The following ACOX3 variants were observed in gnomAD, a reference collection of about 807,000 sequenced individuals.
ACOX3 encodes peroxisomal acyl-coenzyme A oxidase 3.
Under a neutral mutation model 81.5 loss-of-function variants are expected in ACOX3, and 73 were observed. The ratio of observed to expected loss-of-function variants is 0.90; its 90% CI spans 0.74 to 1.09. The LOEUF is 1.09. ACOX3 is among the 50% of genes least tolerant of loss of function. The pLI is 0.00. For synonymous variants in ACOX3, 387 were observed against 375.1 expected (o/e 1.03, Z -0.37); for missense variants, 947 against 928.0 (o/e 1.02, Z -0.27).
intron 7 of ACOX3, among the ~76,000 whole-genome samples, chr4:8,401,949 T>C (rs1343857539): frequency 6.6e-6 from 1 of 152,172 alleles, no homozygotes; most frequent in Non-Finnish European, 1.5e-5. Flanking sequence ...CGTTCCTGGT[T>C]CCTGGGTGAG....
chr4:8,410,168 G>C (rs771946082), intron 6 of ACOX3, 44 bp downstream of exon 6: 9 of 1,588,604 alleles, frequency 5.7e-6, no homozygotes, highest in Non-Finnish European at 6.9e-6. Context: ...AGTGCTTCCT[G>C]GGGGTAAACA....
chr4:8,421,442 T>C (rs1015037024), intron 1 of ACOX3, among the ~76,000 whole-genome samples: 1 of 152,216 alleles, frequency 6.6e-6, no homozygotes, highest in Non-Finnish European at 1.5e-5. Flanking sequence ...TTCCCGGCAT[T>C]GGCCGGTCAA....
downstream of ACOX3, among the ~76,000 whole-genome samples, chr4:8,365,168 G>A (rs969436452): frequency 6.6e-6 from 1 of 152,222 alleles, no homozygotes; most frequent in African/African-American, 2.4e-5. Flanking sequence ...GGGACCCCGG[G>A]CCCGTGAGGC....
chr4:8,394,554 G>C lies in ACOX3; in HGVS notation c.1179+66C>G. 2 of 1,574,020 alleles carry C rather than the reference G, an allele frequency of 1.3e-6. No individual in the cohort carries two copies. Among genetic ancestry groups the C allele is most frequent in the Non-Finnish European group, 8.6e-7 (1 of 1,156,994 alleles). On this transcript the variant is annotated intron_variant, in intron 10 of 17. Coordinates refer to ENST00000356406, the MANE Select transcript of ACOX3 (RefSeq NM_003501.3). The surrounding 1 kb of genome is among the most constrained non-coding windows in gnomAD (Gnocchi z 5.9). ...CTGATTTTGCTTTGAAATGAAGGTT[G>C]AATCTATGCTGCTCCAACCGTGTGA...
chr4:8,373,607 T>G lies in ACOX3; in HGVS notation c.1850A>C (p.Gln617Pro), dbSNP rs774452533. The change falls in exon 16 of 18, where the codon CAG becomes CCG. Residue 617 changes from glutamine to proline, a missense_variant. Gln to Pro is a moderately conservative substitution (Grantham distance 76). Transcript: ENST00000356406. ...GGCGCTCTCCAACACTTCTCCCGCC[T>G]GCTCACCGGAGAAGTATCCTCCTGC... ...LYRGGYFSGE[Q>P]AGEVLESAVL... 6.2e-7 allele frequency: 1 copy of G among 1,613,100 alleles called. No homozygotes were observed. The highest frequency in any genetic ancestry group is 8.5e-7 in the Non-Finnish European group (1 of 1,179,612).
In ACOX3 at chr4:8,385,480, A is replaced by C. The variant is rs1219089460; in HGVS notation, c.1537+3693T>G. ...ATACACACGTGTCCGAGTAGTGAAC[A>C]CTGCAACTGCTTACTATGAATGCAT... On this transcript the variant is annotated intron_variant, in intron 13 of 17. Transcript: ENST00000356406. The surrounding 1 kb of genome is among the most constrained non-coding windows in gnomAD (Gnocchi z 5.5). Among the ~76,000 whole-genome samples, 1 of 152,202 alleles carries C rather than the reference A, an allele frequency of 6.6e-6. No individual in the cohort carries two copies. The highest frequency in any genetic ancestry group is 6.5e-5 in the Admixed American group (1 of 15,282).
Position 8,416,226 on chromosome 4 carries a change from T to C in ACOX3, c.144+152A>G. The C allele has an allele frequency of 5.4e-6, 7 of 1,297,192 alleles. No homozygotes were observed. The highest frequency in any genetic ancestry group is 2.7e-4 in the Middle Eastern group (1 of 3,728). 80.4% of individuals were successfully genotyped at this position (1,297,192 alleles called of 1,614,324 possible). A position where few individuals can be genotyped will look rare whatever the true frequency, so the allele number is the denominator to read the frequency against. On this transcript the variant is annotated intron_variant, in intron 2 of 17. Transcript: ENST00000356406. This position sits in a 1 kb window ranked among gnomAD's most constrained non-coding sequence, Gnocchi z 4.2. ...GACTCCTCATCAATTCCCTGAGGCC[T>C]GTCCTGGGGTGCAGAGAGGAGAGAG...
intron 1 of ACOX3, among the ~76,000 whole-genome samples, chr4:8,439,597 T>G (rs905166468): frequency 9.2e-5 from 14 of 152,246 alleles, no homozygotes; most frequent in African/African-American, 3.4e-4. Context: ...AAAAAAGCTT[T>G]TAAGACCCAG....
intron 10 of ACOX3, among the ~76,000 whole-genome samples, chr4:8,393,764 G>C (rs888637134): frequency 1.3e-5 from 2 of 152,092 alleles, no homozygotes; most frequent in Non-Finnish European, 2.9e-5. Context: ...GTTTCAGAAA[G>C]AATCAGCCTG....
Position 8,375,161 on chromosome 4 carries a change from C to T in ACOX3, c.1654-9G>A, listed in dbSNP as rs1420641132. The T allele has an allele frequency of 5.9e-6, 9 of 1,527,952 alleles. 1 individual carries two copies. The Admixed American group carries it at 1.0e-4, about 17-fold the overall frequency. The allele number at this position is 1,527,952 out of a possible 1,614,324, so 94.6% of individuals were successfully genotyped here. A position where few individuals can be genotyped will look rare whatever the true frequency, so the allele number is the denominator to read the frequency against. ...GGACGGCCGTGGGACACCTGGAACACAGGACGGCACCGTGAGGACCGTGAG... is the reference window on the plus strand; with the variant it reads ...GGACGGCCGTGGGACACCTGGAACATAGGACGGCACCGTGAGGACCGTGAG... On this transcript the variant is annotated splice_polypyrimidine_tract_variant and intron_variant, in intron 14 of 17. Coordinates refer to ENST00000356406, the MANE Select transcript of ACOX3 (RefSeq NM_003501.3).
chr4:8,434,009 C>A (rs1398022899), intron 1 of ACOX3, among the ~76,000 whole-genome samples: 1 of 151,920 alleles, frequency 6.6e-6, no homozygotes, highest in Non-Finnish European at 1.5e-5. Flanking sequence ...AGATAAATAG[C>A]CAGACAACCT....
At chr4:8,358,884 T>C in the ACOX3 span, among the ~76,000 whole-genome samples, 1 of 152,214 alleles carries the variant, frequency 6.6e-6, no homozygotes, top group Non-Finnish European at 1.5e-5. Context: ...GTAGCCCTTT[T>C]TTTATTCCTT....
chr4:8,421,545 T>C (rs1722950525), intron 1 of ACOX3, among the ~76,000 whole-genome samples: 2 of 152,242 alleles, frequency 1.3e-5, no homozygotes, highest in Admixed American at 1.3e-4. Context: ...GTCCTAACCA[T>C]GACTTTCTTG....
rs935814848 is a variant in ACOX3 at position 8,382,785 on chromosome 4, G to A, written c.1538-1178C>T. On this transcript the variant is annotated intron_variant, in intron 13 of 17. Coordinates refer to ENST00000356406, the MANE Select transcript of ACOX3 (RefSeq NM_003501.3). The surrounding 1 kb of genome is among the most constrained non-coding windows in gnomAD (Gnocchi z 4.1). Reference sequence around the variant, plus strand: ...AGGCGGGCGGATCACGAGGTCAGGAGATCGAGACCATCCTGGCTAACACGG... The same window carrying A: ...AGGCGGGCGGATCACGAGGTCAGGAAATCGAGACCATCCTGGCTAACACGG... Among the ~76,000 whole-genome samples, 1 of 152,082 alleles carries A rather than the reference G, an allele frequency of 6.6e-6. No individual in the cohort carries two copies. Among genetic ancestry groups the A allele is most frequent in the African/African-American group, 2.4e-5 (1 of 41,436 alleles).
intron 16 of ACOX3, among the ~76,000 whole-genome samples, chr4:8,373,039 G>A (rs1252363704): frequency 6.6e-6 from 1 of 152,130 alleles, no homozygotes; most frequent in Admixed American, 6.5e-5. Flanking sequence ...AGAATGTGGG[G>A]TTGGGGCCCT....
At position 8,399,460 on chromosome 4, in the gene ACOX3, G is replaced by T. The variant is rs1001060548; in HGVS notation, c.873+96C>A. 7.3e-6 allele frequency: 8 copies of T among 1,090,644 alleles called. No homozygotes were observed. The highest frequency in any genetic ancestry group is 3.1e-5 in the African/African-American group (2 of 63,558). The allele number at this position is 1,090,644 out of a possible 1,614,324, so 67.6% of individuals were successfully genotyped here. A position where few individuals can be genotyped will look rare whatever the true frequency, so the allele number is the denominator to read the frequency against. On this transcript the variant is annotated intron_variant, in intron 8 of 17. Transcript: ENST00000356406. This position sits in a 1 kb window ranked among gnomAD's most constrained non-coding sequence, Gnocchi z 4.9. The stretch of plus-strand genomic sequence containing the variant: ...AGCGACACCTGGCCTACGTGGAGGG[G>T]TCTCCTTTCCAGGTGCAGGGAGGAG...
In ACOX3 at chr4:8,384,993, G is replaced by A. The variant is rs17194178; in HGVS notation, c.1538-3386C>T. The stretch of plus-strand genomic sequence containing the variant: ...CTCACCTGCATCTGTTGTTTCCAAG[G>A]AAGTGTTCAGGACTGTGGCCCCCCA... On this transcript the variant is annotated intron_variant, in intron 13 of 17. Coordinates refer to ENST00000356406, the MANE Select transcript of ACOX3 (RefSeq NM_003501.3). This position sits in a 1 kb window ranked among gnomAD's most constrained non-coding sequence, Gnocchi z 5.3. Among the ~76,000 whole-genome samples, 11,311 of 152,200 alleles carry A rather than the reference G, an allele frequency of 0.074. 565 individuals are homozygous for A. Among genetic ancestry groups the A allele is most frequent in the Middle Eastern group, 0.12 (34 of 294 alleles).
intron 14 of ACOX3, among the ~76,000 whole-genome samples, chr4:8,376,548 G>A (rs986260826): frequency 2.6e-5 from 4 of 152,256 alleles, no homozygotes; most frequent in East Asian, 1.9e-4. Context: ...CTGGGATCAG[G>A]AGCCTCGGGA....
chr4:8,415,040 C>A (rs1474775640), intron 3 of ACOX3, 112 bp from the exon 4 acceptor site: 3 of 968,830 alleles, frequency 3.1e-6, no homozygotes, highest in Admixed American at 1.9e-5. Flanking sequence ...TGGTTCCCTG[C>A]CACACTGCAC....
Sources: gnomAD v4.1 joint callset for allele counts (sites outside exome capture counted in the v4.1 genomes callset) on GRCh38, gnomAD v4.1.1 for gene constraint, Gnocchi (gnomAD v3.1) non-coding constraint, MANE v1.5 for transcripts, NCBI Gene and HGNC (gene_info 2026-07-23, HGNC 2026-07-21) for gene names.